Variants in ARNT observed in about 807,000 individuals in gnomAD.
ARNT encodes class E basic helix-loop-helix protein 2.
A neutral mutation model predicts 105.0 loss-of-function variants in ARNT; 30 were observed. The observed-to-expected ratio is 0.29, with a 90% CI of 0.21 to 0.39. The LOEUF is 0.39. Among genes scored for constraint, ARNT ranks in the 10% least tolerant of loss-of-function variants. ARNT has a pLI of 1.00. For missense variants in ARNT, 748 were observed against 978.7 expected (o/e 0.76, Z 3.15); for synonymous variants, 304 against 344.0 (o/e 0.88, Z 1.29).
At chr1:150,851,576 T>C (rs1663568591) in intron 3 of ARNT, among the ~76,000 whole-genome samples, 1 of 152,390 alleles carries the variant, frequency 6.6e-6, no homozygotes, top group Admixed American at 6.5e-5. Context: ...CAGTGCTCTC[T>C]GAAACATGTG....
intron 8 of ARNT, among the ~76,000 whole-genome samples, chr1:150,833,921 ATTTC>A (rs1433962714): frequency 6.6e-6 from 1 of 151,114 alleles, no homozygotes; most frequent in Non-Finnish European, 1.5e-5. Flanking sequence ...TGGGAAATTC[ATTTC>A]TTTTTCTTTT....
intron 6 of ARNT, among the ~76,000 whole-genome samples, chr1:150,838,331 A>G (rs1660671064): frequency 6.6e-6 from 1 of 152,228 alleles, no homozygotes; most frequent in African/African-American, 2.4e-5. Context: ...CTTCTATTAT[A>G]GAACTAGTTC....
chr1:150,813,878 A>G (rs1314895698), intron 20 of ARNT, among the ~76,000 whole-genome samples, 199 bp downstream of exon 20: 2 of 152,128 alleles, frequency 1.3e-5, no homozygotes, highest in African/African-American at 2.4e-5. Flanking sequence ...CGCCTGCCTC[A>G]GCCTCCCAAA....
At chr1:150,839,277 C>A (rs1660851406) in intron 6 of ARNT, 164 bp downstream of exon 6, 2 of 654,792 alleles carry the variant, frequency 3.1e-6, no homozygotes, top group Non-Finnish European at 5.2e-6. Flanking sequence ...CTCTTCTCTA[C>A]TTCTCATTGT....
At chr1:150,865,638 G>C (rs1490782273) in intron 1 of ARNT, among the ~76,000 whole-genome samples, 1 of 152,136 alleles carries the variant, frequency 6.6e-6, no homozygotes, top group Non-Finnish European at 1.5e-5. Flanking sequence ...TTACTCTCTG[G>C]AGAGTATAAA....
intron 1 of ARNT, among the ~76,000 whole-genome samples, chr1:150,866,901 A>T (rs1666679691): frequency 6.6e-6 from 1 of 152,138 alleles, no homozygotes; most frequent in Non-Finnish European, 1.5e-5. Context: ...CATATATAGG[A>T]TGTTAAAGAT....
chr1:150,876,587 G>T lies in ARNT; in HGVS notation c.-20C>A, dbSNP rs1433948687. The T allele has an allele frequency of 1.4e-6, 2 of 1,459,860 alleles. No homozygotes were observed. The highest frequency in any genetic ancestry group is 2.5e-5 in the Admixed American group (1 of 40,442). The allele number at this position is 1,459,860 out of a possible 1,614,324, so 90.4% of individuals were successfully genotyped here. A position where few individuals can be genotyped will look rare whatever the true frequency, so the allele number is the denominator to read the frequency against. ...CGCCATGGCCGCAGATGCCACCGCC[G>T]CCGCGCCACCCCCCCCCCCAGTGGG... On this transcript the variant is annotated 5_prime_UTR_variant, in exon 1 of 22. Coordinates refer to ENST00000358595, the MANE Select transcript of ARNT (RefSeq NM_001668.4).
intron 7 of ARNT, chr1:150,834,851 G>T: frequency 2.1e-6 from 1 of 470,504 alleles, no homozygotes; most frequent in Non-Finnish European, 3.9e-6. Flanking sequence ...TTCAAAGGCA[G>T]CATTGAAAAT....
chr1:150,840,269 GA>G (rs893889713), intron 5 of ARNT, among the ~76,000 whole-genome samples: 67 of 150,226 alleles, frequency 4.5e-4, no homozygotes, highest in Non-Finnish European at 8.2e-4. Flanking sequence ...AAAAACAAGA[GA>G]AAAAAAAAGA....
At position 150,817,439 on chromosome 1, in the gene ARNT, T is replaced by C. The variant is rs1656115266; in HGVS notation, c.1506-6A>G. On this transcript the variant is annotated splice_region_variant and splice_polypyrimidine_tract_variant and intron_variant, in intron 15 of 21. Transcript: ENST00000358595. Reference sequence around the variant, plus strand: ...CTGTTTGCTGTTGCTGCTGCCTATATGTCAAAGGCCAGTTGACAAGACAAA... The same window carrying C: ...CTGTTTGCTGTTGCTGCTGCCTATACGTCAAAGGCCAGTTGACAAGACAAA... 1 of 1,613,962 alleles carries C rather than the reference T, an allele frequency of 6.2e-7. No individual in the cohort carries two copies. The highest frequency in any genetic ancestry group is 1.1e-5 in the South Asian group (1 of 91,046).
chr1:150,820,931 T>C (rs1312179225), intron 14 of ARNT, among the ~76,000 whole-genome samples: 3 of 152,212 alleles, frequency 2.0e-5, no homozygotes, highest in Non-Finnish European at 4.4e-5. Context: ...AATTCGACTG[T>C]AAACTTCTGA....
At chr1:150,865,762 G>GT (rs1252666107) in intron 1 of ARNT, among the ~76,000 whole-genome samples, 1 of 152,044 alleles carries the variant, frequency 6.6e-6, no homozygotes, top group African/African-American at 2.4e-5. Flanking sequence ...TTTTTCTTCT[G>GT]TGTTATACTG....
intron 1 of ARNT, among the ~76,000 whole-genome samples, chr1:150,869,649 A>G (rs943974305): frequency 1.3e-5 from 2 of 151,038 alleles, no homozygotes; most frequent in African/African-American, 4.9e-5. Flanking sequence ...AAGCTCAGAG[A>G]TCCTCCCACC....
Position 150,846,308 on chromosome 1 carries a change from C to G in ARNT, c.183-1G>C. ...GTTAGACATCTGATCATCATCACAC[C>G]TGAAGGAGAGAAAAAGGATTGTTTC... On this transcript the variant is annotated splice_acceptor_variant, in intron 3 of 21. Coordinates refer to ENST00000358595, the MANE Select transcript of ARNT (RefSeq NM_001668.4). LOFTEE classifies it high-confidence loss of function. 5 of 1,613,632 alleles carry G rather than the reference C, an allele frequency of 3.1e-6. No homozygotes were observed. Among genetic ancestry groups the G allele is most frequent in the Non-Finnish European group, 4.2e-6 (5 of 1,179,734 alleles).
chr1:150,831,996 C>G, intron 9 of ARNT, 93 bp from the exon 10 acceptor site: 1 of 865,374 alleles, frequency 1.2e-6, no homozygotes, highest in Non-Finnish European at 1.8e-6. Flanking sequence ...AGTTTATGCT[C>G]TTAGGAGTTT....
rs770943007 is a variant in ARNT, at chr1:150,818,069, G to C, written c.1395-39C>G. ...GTAGACAGTAAAGAGGGGGTGGAGA[G>C]GGAGGAAGGGGGGAGAGAGAGAGAA... On this transcript the variant is annotated intron_variant, in intron 14 of 21. Coordinates refer to ENST00000358595, the MANE Select transcript of ARNT (RefSeq NM_001668.4). The C allele has an allele frequency of 2.9e-6, 4 of 1,387,152 alleles. No homozygotes were observed. The East Asian group carries it at 7.1e-5, about 24-fold the overall frequency. The allele number at this position is 1,387,152 out of a possible 1,614,324, so 85.9% of individuals were successfully genotyped here.
chr1:150,855,803 G>A (rs1007319849), intron 2 of ARNT, among the ~76,000 whole-genome samples: 26 of 151,472 alleles, frequency 1.7e-4, no homozygotes, highest in African/African-American at 6.1e-4. Context: ...TCGGAGAACT[G>A]AAGTAGGAGG....
At chr1:150,874,018 TAAAAAAAAAAAAAAAA>T (rs58707975) in intron 1 of ARNT, among the ~76,000 whole-genome samples, 1 of 64,430 alleles carries the variant, frequency 1.6e-5, no homozygotes, top group African/African-American at 6.4e-5. Context: ...ACAAGAATTG[TAAAAAAAAAAAAAAAA>T]AAAAAAAAAT....
At chr1:150,860,460 C>T (rs1418164580) in intron 1 of ARNT, among the ~76,000 whole-genome samples, 2 of 151,428 alleles carry the variant, frequency 1.3e-5, no homozygotes, top group African/African-American at 2.4e-5. Context: ...AAGTGATCCG[C>T]CCACCTCAGC....
Sources: gnomAD v4.1 joint callset for allele counts (sites outside exome capture counted in the v4.1 genomes callset) on GRCh38, gnomAD v4.1.1 for gene constraint, MANE v1.5 for transcripts, NCBI Gene and HGNC (gene_info 2026-07-23, HGNC 2026-07-21) for gene names.